MINDY3: variants seen among roughly 807,000 people sequenced by gnomAD.
MINDY3 encodes MINDY lysine 48 deubiquitinase 3, also known as ubiquitin carboxyl-terminal hydrolase MINDY-3.
MINDY3 carries 38 observed loss-of-function variants against 69.2 expected under a neutral mutation model. That is an observed-to-expected ratio of 0.55 (90% CI 0.42 to 0.72). The LOEUF (loss-of-function observed/expected upper bound fraction) is 0.72, where lower values mean the gene tolerates loss of function less well. Among genes scored for constraint, MINDY3 ranks in the 30% least tolerant of loss-of-function variants. The probability of loss-of-function intolerance (pLI) is 0.00; values close to 1 mark genes in which losing one functional copy is unlikely to be tolerated. For synonymous variants in MINDY3, 192 were observed against 180.1 expected, an observed-to-expected ratio of 1.07 and a Z score of -0.53; for missense variants, 522 against 519.0, an observed-to-expected ratio of 1.01 and a Z score of -0.06.
At chr10:15,784,910 G>A (rs142887008) in intron 13 of MINDY3, among the ~76,000 whole-genome samples, 7 of 152,196 alleles carry the variant, frequency 4.6e-5, no homozygotes, top group Admixed American at 6.5e-5. Context: ...CACCGAGGGC[G>A]TCTGAGCTGC....
At chr10:15,796,030 T>C in intron 11 of MINDY3, 70 bp downstream of exon 11, 1 of 1,096,666 alleles carries the variant, frequency 9.1e-7, no homozygotes, top group Non-Finnish European at 1.4e-6. Context: ...TTGAATAAAA[T>C]CAGGTCGCTA....
intron 1 of MINDY3, chr10:15,857,875 T>C (rs1834806128): frequency 3.6e-6 from 3 of 826,284 alleles, no homozygotes; most frequent in Non-Finnish European, 4.4e-6. Flanking sequence ...TAGACATAAT[T>C]GTATAAATAT....
chr10:15,784,629 C>A (rs192680058), intron 13 of MINDY3, among the ~76,000 whole-genome samples: 4 of 152,114 alleles, frequency 2.6e-5, no homozygotes, highest in Non-Finnish European at 5.9e-5. Context: ...CCCAGCTACA[C>A]AGGAGGCTGA....
chr10:15,819,567 A>G (rs1839612644), intron 9 of MINDY3, among the ~76,000 whole-genome samples: 1 of 152,160 alleles, frequency 6.6e-6, no homozygotes, highest in South Asian at 2.1e-4. Context: ...GCCAATCCAC[A>G]GGGGAGCTCA....
chr10:15,837,321 G>A lies in MINDY3; in HGVS notation c.462-3C>T. Reference sequence around the variant, plus strand: ...GTAAACTTCTGAACGATCTTTTTCTGGGGGAAAAAAAGAATTAAGTATTGG... The same window carrying A: ...GTAAACTTCTGAACGATCTTTTTCTAGGGGAAAAAAAGAATTAAGTATTGG... On this transcript the variant is annotated splice_region_variant and splice_polypyrimidine_tract_variant and intron_variant, in intron 5 of 14. Transcript: ENST00000277632. 6.4e-7 allele frequency: 1 copy of A among 1,567,600 alleles called. No individual in the cohort carries two copies. The highest frequency in any genetic ancestry group is 8.7e-7 in the Non-Finnish European group (1 of 1,152,534).
At chr10:15,779,680 T>G (rs1469821856) in intron 14 of MINDY3, among the ~76,000 whole-genome samples, 1 of 152,158 alleles carries the variant, frequency 6.6e-6, no homozygotes. Flanking sequence ...GTATTAAATA[T>G]TCCTGAAATG....
At chr10:15,789,148 G>A in intron 12 of MINDY3, 99 bp downstream of exon 12, 1 of 752,964 alleles carries the variant, frequency 1.3e-6, no homozygotes, top group Non-Finnish European at 2.3e-6. Flanking sequence ...CTTCATATAT[G>A]CAGATATAGA....
intron 10 of MINDY3, among the ~76,000 whole-genome samples, chr10:15,796,871 A>G (rs1339615888): frequency 6.6e-6 from 1 of 152,022 alleles, no homozygotes; most frequent in African/African-American, 2.4e-5. Flanking sequence ...CACATATCTA[A>G]GCCATTATGA....
chr10:15,842,132 T>C (rs992518713), intron 3 of MINDY3, among the ~76,000 whole-genome samples: 6 of 151,834 alleles, frequency 4.0e-5, no homozygotes, highest in African/African-American at 1.4e-4. Context: ...GATTTGAGCA[T>C]TAGAATTTTA....
chr10:15,843,373 T>G, intron 2 of MINDY3, 101 bp from the exon 3 acceptor site: 1 of 945,200 alleles, frequency 1.1e-6, no homozygotes, highest in South Asian at 1.4e-5. Context: ...ACTCCCTTTC[T>G]AATCTTTTGA....
chr10:15,843,667 G>A (rs1461751884), intron 2 of MINDY3, among the ~76,000 whole-genome samples: 1 of 152,036 alleles, frequency 6.6e-6, no homozygotes, highest in African/African-American at 2.4e-5. Flanking sequence ...ATATAAAAGT[G>A]GTTCTGTTCC....
chr10:15,820,669 GATT>G (rs1163577629), intron 9 of MINDY3, among the ~76,000 whole-genome samples: 1 of 152,200 alleles, frequency 6.6e-6, no homozygotes, highest in Non-Finnish European at 1.5e-5. Context: ...AATCCAATTT[GATT>G]ATCATATGCA....
intron 10 of MINDY3, among the ~76,000 whole-genome samples, chr10:15,812,321 T>C (rs74126620): frequency 6.6e-6 from 1 of 152,362 alleles, no homozygotes; most frequent in African/African-American, 2.4e-5. Context: ...ATTATTCATG[T>C]GTTAAATATT....
rs183888095 is a variant in MINDY3 at position 15,793,830 on chromosome 10, A to G, written c.955+2270T>C. Among the ~76,000 whole-genome samples, 395 of 152,146 alleles carry G rather than the reference A, an allele frequency of 2.6e-3. 1 individual carries two copies. Among genetic ancestry groups the G allele is most frequent in the African/African-American group, 9.1e-3 (377 of 41,554 alleles). ...GGTAAAGTGCTTCAGAAATCGTAAC[A>G]TTCCACGCAAATGCCACACATCATT... On this transcript the variant is annotated intron_variant, in intron 11 of 14. Transcript: ENST00000277632.
At chr10:15,859,203 G>A (rs1034732305) in intron 1 of MINDY3, among the ~76,000 whole-genome samples, 1 of 152,110 alleles carries the variant, frequency 6.6e-6, no homozygotes, top group African/African-American at 2.4e-5. Flanking sequence ...GAGAGATTAC[G>A]TAAATCCTGA....
chr10:15,798,596 A>G (rs1411897703), intron 10 of MINDY3, among the ~76,000 whole-genome samples: 1 of 152,048 alleles, frequency 6.6e-6, no homozygotes, highest in African/African-American at 2.4e-5. Context: ...ACTGGCCAAC[A>G]TGGTGAAACC....
chr10:15,838,210 T>C lies in MINDY3; in HGVS notation c.461+18A>G, dbSNP rs1833220252. The C allele has an allele frequency of 2.5e-6, 4 of 1,596,164 alleles. No homozygotes were observed. Among genetic ancestry groups the C allele is most frequent in the Admixed American group, 1.8e-5 (1 of 55,816 alleles). On this transcript the variant is annotated intron_variant, in intron 5 of 14. Coordinates refer to ENST00000277632, the MANE Select transcript of MINDY3 (RefSeq NM_024948.4). ...GTGTCCACAGAGTAAGTATTTTAAA[T>C]GTTCCAATGTTACTTACTGAATTAA...
chr10:15,854,211 C>G (rs1292627091), intron 1 of MINDY3, among the ~76,000 whole-genome samples: 1 of 152,092 alleles, frequency 6.6e-6, no homozygotes, highest in East Asian at 1.9e-4. Flanking sequence ...CTACAATACT[C>G]TGATGTGTCA....
chr10:15,806,409 T>C (rs2131933527), intron 10 of MINDY3, among the ~76,000 whole-genome samples: 1 of 152,280 alleles, frequency 6.6e-6, no homozygotes, highest in East Asian at 1.9e-4. Flanking sequence ...TTGGGAGGCT[T>C]GGATTAGTAT....
Sources: allele counts gnomAD v4.1 joint callset (sites outside exome capture counted in the v4.1 genomes callset), GRCh38; gene constraint gnomAD v4.1.1; transcripts MANE v1.5; gene names NCBI Gene and HGNC (gene_info 2026-07-23, HGNC 2026-07-21).